The following HERC1 variants were observed in gnomAD, a reference collection of about 807,000 sequenced individuals.
The protein encoded by HERC1 is probable E3 ubiquitin-protein ligase HERC1.
In HERC1, 160 loss-of-function variants were observed where a neutral mutation model predicts 554.3. The observed-to-expected ratio is 0.29, with a 90% CI of 0.25 to 0.33. HERC1 has a LOEUF of 0.33. Ranked by LOEUF, HERC1 falls within the 10% of genes least tolerant of loss-of-function variation. The probability of loss-of-function intolerance (pLI) is 1.00; values close to 1 mark genes in which losing one functional copy is unlikely to be tolerated. For missense variants in HERC1, 4,919 were observed against 5,918.5 expected, an observed-to-expected ratio of 0.83 and a Z score of 5.54; for synonymous variants, 2,175 against 2,131.7, an observed-to-expected ratio of 1.02 and a Z score of -0.56.
intron 1 of HERC1, among the ~76,000 whole-genome samples, chr15:63,807,232 C>A (rs1162502698): frequency 6.6e-6 from 1 of 152,208 alleles, no homozygotes; most frequent in Non-Finnish European, 1.5e-5. Flanking sequence ...CTGCTTTGCA[C>A]CCTGTGAGGC....
intron 1 of HERC1, among the ~76,000 whole-genome samples, chr15:63,781,930 C>A (rs1264741108): frequency 6.6e-6 from 1 of 152,202 alleles, no homozygotes; most frequent in Non-Finnish European, 1.5e-5. Flanking sequence ...ACAATATTCC[C>A]TTAAACCAAA....
Position 63,669,554 on chromosome 15 carries a change from C to T in HERC1, c.8190G>A (p.Arg2730=), listed in dbSNP as rs2070799413. The change falls in exon 40 of 78, where the codon AGG becomes AGA. Residue 2730 remains arginine, a synonymous_variant. Coordinates refer to ENST00000443617, the MANE Select transcript of HERC1 (RefSeq NM_003922.4). The stretch of plus-strand genomic sequence containing the variant: ...CACACGCACCTGTGCGGTTAGCTGG[C>T]CTTGCTGACTGGGAATCAGGAGAAG... The part of the protein sequence containing the change: ...SLTSPDSQSA[R]PANRTALSDP... 1 of 1,613,776 alleles carries T rather than the reference C, an allele frequency of 6.2e-7. No homozygotes were observed. The highest frequency in any genetic ancestry group is 8.5e-7 in the Non-Finnish European group (1 of 1,179,708).
chr15:63,648,655 ATAT>A (rs976656986), intron 54 of HERC1, among the ~76,000 whole-genome samples: 1 of 113,470 alleles, frequency 8.8e-6, no homozygotes, highest in Non-Finnish European at 2.2e-5. Context: ...CTCACAATCT[ATAT>A]TTCTACTTGT....
At chr15:63,696,997 TAC>T (rs1475943625) in intron 26 of HERC1, among the ~76,000 whole-genome samples, 6 of 151,992 alleles carry the variant, frequency 3.9e-5, no homozygotes, top group African/African-American at 1.4e-4. Context: ...GTAAAGATGG[TAC>T]AGAGAGTTCT....
In HERC1 at chr15:63,616,662, G is replaced by A. The variant is rs759624813; in HGVS notation, c.13709C>T (p.Ala4570Val). 4.3e-6 allele frequency: 7 copies of A among 1,613,592 alleles called. No homozygotes were observed. Among genetic ancestry groups the A allele is most frequent in the Middle Eastern group, 1.7e-4 (1 of 6,060 alleles). Residue 4570 changes from alanine to valine, a missense_variant, in exon 75 of 78, where the codon GCC becomes GTC. Transcript: ENST00000443617. ...NRDRFLFNPS[A>V]CLDEHLMQFK... ...CTGCATTAAGTGTTCATCGAGGCAGGCAGAAGGGTTAAAAAGGAACCTGTA... is the reference window on the plus strand; with the variant it reads ...CTGCATTAAGTGTTCATCGAGGCAGACAGAAGGGTTAAAAAGGAACCTGTA...
intron 19 of HERC1, among the ~76,000 whole-genome samples, chr15:63,722,407 T>G (rs1190639303): frequency 6.6e-6 from 1 of 152,200 alleles, no homozygotes; most frequent in Non-Finnish European, 1.5e-5. Context: ...TTAAACAGAC[T>G]CTTAAAATAG....
intron 71 of HERC1, among the ~76,000 whole-genome samples, chr15:63,624,686 C>A (rs1190489459): frequency 1.3e-5 from 2 of 152,036 alleles, no homozygotes; most frequent in South Asian, 2.1e-4. Flanking sequence ...CAGAGTGAGA[C>A]CCTGTCTCAA....
chr15:63,733,762 G>C (rs1292261705), intron 13 of HERC1, among the ~76,000 whole-genome samples: 1 of 152,112 alleles, frequency 6.6e-6, no homozygotes, highest in African/African-American at 2.4e-5. Flanking sequence ...TGAGGTGGGA[G>C]AATCACTTGA....
chr15:63,634,735 G>C lies in HERC1; in HGVS notation c.12568C>G (p.Gln4190Glu). The C allele has an allele frequency of 6.2e-7, 1 of 1,611,572 alleles. No individual in the cohort carries two copies. Among genetic ancestry groups the C allele is most frequent in the South Asian group, 1.1e-5 (1 of 90,706 alleles). The change falls in exon 66 of 78, where the codon CAG becomes GAG. Residue 4190 changes from glutamine to glutamate, a missense_variant and splice_region_variant. By Grantham distance (29) the Gln-to-Glu change is conservative. Transcript: ENST00000443617. ...TATCTTATTGATTTATTCCATGCCT[G>C]TCCAATCTGATATCCCTCCAGTGCA... ...VTALEGYQIGQVACGLNHTLA... is the reference protein window; with the variant it reads ...VTALEGYQIGEVACGLNHTLA...
intron 1 of HERC1, among the ~76,000 whole-genome samples, chr15:63,802,406 TGGAAA>T (rs2077023180): frequency 6.6e-6 from 1 of 152,188 alleles, no homozygotes; most frequent in African/African-American, 2.4e-5. Context: ...CAAATAAACC[TGGAAA>T]CAGACGTGCC....
chr15:63,785,492 G>C (rs907127714), intron 1 of HERC1, among the ~76,000 whole-genome samples: 3 of 151,940 alleles, frequency 2.0e-5, no homozygotes, highest in Non-Finnish European at 4.4e-5. Flanking sequence ...TATTAGGCTG[G>C]GCACGCTGGC....
rs1345672976 is a variant in HERC1, at chr15:63,643,436, G to A, written c.11299C>T (p.Leu3767=). The change falls in exon 58 of 78, where the codon CTA becomes TTA. Residue 3767 remains leucine (L), a synonymous_variant. Transcript: ENST00000443617. ...GACCAAATGTTCATGAGCCCACCTA[G>A]TCCACCAGACACCAGGGCCAACCCA... The part of the protein sequence containing the change: ...SDGLALVSGG[L]GGLMNIWSLR... The A allele has an allele frequency of 1.9e-6, 3 of 1,613,306 alleles. No homozygotes were observed. The highest frequency in any genetic ancestry group is 2.5e-6 in the Non-Finnish European group (3 of 1,179,632).
chr15:63,612,269 T>C lies in HERC1; in HGVS notation c.14382A>G (p.Gln4794=). Reference sequence around the variant, plus strand: ...TACTTACCCTATCAACCTTCATGATTTGAAATCTCTGAGAAATGTCAGCAG... The same window carrying C: ...TACTTACCCTATCAACCTTCATGATCTGAAATCTCTGAGAAATGTCAGCAG... ...ANTADISQRF[Q]IMKVDRPYDS... is the part of the protein sequence containing the mutation. Residue 4794 remains glutamine, a synonymous_variant, in exon 77 of 78, where the codon CAA becomes CAG. Coordinates refer to ENST00000443617, the MANE Select transcript of HERC1 (RefSeq NM_003922.4). This position sits in a 1 kb window ranked among gnomAD's most constrained non-coding sequence, Gnocchi z 5.0. 1 of 1,609,062 alleles carries C rather than the reference T, an allele frequency of 6.2e-7. No individual in the cohort carries two copies. The highest frequency in any genetic ancestry group is 1.1e-5 in the South Asian group (1 of 90,846).
chr15:63,728,785 A>C (rs2074143262), intron 16 of HERC1, among the ~76,000 whole-genome samples: 1 of 152,102 alleles, frequency 6.6e-6, no homozygotes, highest in Non-Finnish European at 1.5e-5. Flanking sequence ...TGTCCAAGGA[A>C]GAGGAGCCTA....
chr15:63,829,855 C>G (rs929838584), intron 1 of HERC1, among the ~76,000 whole-genome samples: 1 of 151,498 alleles, frequency 6.6e-6, no homozygotes, highest in Non-Finnish European at 1.5e-5. Flanking sequence ...ATGGCCAAAG[C>G]TGGAACAATT....
chr15:63,630,194 G>A (rs1017904448), intron 69 of HERC1, among the ~76,000 whole-genome samples: 2 of 152,180 alleles, frequency 1.3e-5, no homozygotes, highest in Non-Finnish European at 2.9e-5. Context: ...ACTTAACAGT[G>A]TATGAGGACA....
Position 63,775,604 on chromosome 15 carries a change from G to A in HERC1, c.20C>T (p.Pro7Leu), listed in dbSNP as rs1423324258. Residue 7 changes from proline (P) to leucine (L), a missense_variant, in exon 2 of 78, where the codon CCA becomes CTA. Pro to Leu is a moderately conservative substitution (Grantham distance 98). Transcript: ENST00000443617. This position sits in a 1 kb window ranked among gnomAD's most constrained non-coding sequence, Gnocchi z 4.0. Reference sequence around the variant, plus strand: ...GTGTTCAAGCCATTTCAGCTTCACTGGTGGAATCATAGTTGCCATGTTGAT... The same window carrying A: ...GTGTTCAAGCCATTTCAGCTTCACTAGTGGAATCATAGTTGCCATGTTGAT... Reference protein sequence around the residue: MATMIPPVKLKWLEHLN... With the variant: MATMIPLVKLKWLEHLN... 6.3e-7 allele frequency: 1 copy of A among 1,599,632 alleles called. No homozygotes were observed. Among genetic ancestry groups the A allele is most frequent in the South Asian group, 1.1e-5 (1 of 88,068 alleles).
intron 74 of HERC1, 156 bp from the exon 75 acceptor site, chr15:63,616,838 T>C (rs1468308140): frequency 2.9e-6 from 2 of 684,604 alleles, no homozygotes; most frequent in Non-Finnish European, 4.8e-6. Flanking sequence ...AACTAAAAAT[T>C]CAGTTCTTCG....
rs11854607 is a variant in HERC1, at chr15:63,740,182, T to C, written c.2521-5333A>G. Among the ~76,000 whole-genome samples the C allele has an allele frequency of 4.7e-3, 714 of 152,292 alleles. 10 individuals carry two copies. Among genetic ancestry groups the C allele is most frequent in the African/African-American group, 0.017 (687 of 41,566 alleles). On this transcript the variant is annotated intron_variant, in intron 12 of 77. Coordinates refer to ENST00000443617, the MANE Select transcript of HERC1 (RefSeq NM_003922.4). Reference sequence around the variant, plus strand: ...ACCTTAGCCTCCCAAAGTGTGCAGATTACAGGTGTGGGCCACTGCATCCAG... The same window carrying C: ...ACCTTAGCCTCCCAAAGTGTGCAGACTACAGGTGTGGGCCACTGCATCCAG...
Sources: gnomAD v4.1 joint callset for allele counts (sites outside exome capture counted in the v4.1 genomes callset) on GRCh38, gnomAD v4.1.1 for gene constraint, Gnocchi (gnomAD v3.1) non-coding constraint, MANE v1.5 for transcripts, NCBI Gene and HGNC (gene_info 2026-07-23, HGNC 2026-07-21) for gene names.